Variants in SLC6A11 observed in about 807,000 individuals in gnomAD.
SLC6A11 encodes sodium- and chloride-dependent GABA transporter 3.
SLC6A11 carries 25 observed loss-of-function variants against 74.8 expected under a neutral mutation model. The ratio of observed to expected loss-of-function variants is 0.33; its 90% CI spans 0.24 to 0.47. SLC6A11 has a LOEUF of 0.47. Ranked by LOEUF, SLC6A11 falls within the 20% of genes least tolerant of loss-of-function variation. The probability of loss-of-function intolerance (pLI) is 1.00; values close to 1 mark genes in which losing one functional copy is unlikely to be tolerated. For synonymous variants in SLC6A11, 330 were observed against 330.2 expected (o/e 1.00, Z 0.01); for missense variants, 574 against 837.0 (o/e 0.69, Z 3.88).
intron 6 of SLC6A11, among the ~76,000 whole-genome samples, chr3:10,879,918 C>T (rs569540693): frequency 2.4e-4 from 36 of 152,156 alleles, no homozygotes; most frequent in Admixed American, 1.9e-3. Flanking sequence ...ACATACTCAA[C>T]CTGTACATAC....
chr3:10,914,007 A>T (rs1695422335), intron 7 of SLC6A11, among the ~76,000 whole-genome samples: 1 of 152,182 alleles, frequency 6.6e-6, no homozygotes, highest in Admixed American at 6.5e-5. Flanking sequence ...CACTCTTAAA[A>T]TATTGAGTGT....
At chr3:10,920,696 C>A (rs761637413) in intron 8 of SLC6A11, among the ~76,000 whole-genome samples, 16 of 152,212 alleles carry the variant, frequency 1.1e-4, no homozygotes, top group Non-Finnish European at 2.2e-4. Flanking sequence ...ATTCACACAG[C>A]AGTCCTAGCT....
Position 10,844,306 on chromosome 3 carries a change from G to C in SLC6A11, c.716G>C (p.Cys239Ser). 1.2e-6 allele frequency: 2 copies of C among 1,614,188 alleles called. No homozygotes were observed. The highest frequency in any genetic ancestry group is 1.7e-6 in the Non-Finnish European group (2 of 1,180,040). The change falls in exon 5 of 14, where the codon TGT (cysteine) becomes TCT (serine). Residue 239 changes from cysteine to serine, a missense_variant. Cys to Ser is a moderately radical substitution (Grantham distance 112). Transcript: ENST00000254488. The part of the protein sequence containing the change: ...ALCLLAAWTI[C>S]YFCIWKGTKS... ...TGTCTCTTGGCAGCCTGGACCATCT[G>C]TTACTTCTGTATCTGGAAGGGGACC...
chr3:10,937,049 T>C (rs1272663458), intron 13 of SLC6A11, among the ~76,000 whole-genome samples: 1 of 152,056 alleles, frequency 6.6e-6, no homozygotes, highest in Non-Finnish European at 1.5e-5. Context: ...AAGCTGCTGC[T>C]GGGGGACGGG....
At chr3:10,829,850 A>G (rs987739233) in intron 4 of SLC6A11, among the ~76,000 whole-genome samples, 2 of 152,196 alleles carry the variant, frequency 1.3e-5, no homozygotes, top group Non-Finnish European at 2.9e-5. Context: ...TTCTTTAGAG[A>G]AGGCTCATCA....
At chr3:10,823,458 C>A (rs1694163821) in intron 4 of SLC6A11, 66 bp downstream of exon 4, 4 of 1,088,328 alleles carry the variant, frequency 3.7e-6, no homozygotes, top group Non-Finnish European at 5.7e-6. Flanking sequence ...CTCAGTTGGT[C>A]TTGCCCCTAT....
chr3:10,897,056 G>A (rs1414181785), intron 6 of SLC6A11, among the ~76,000 whole-genome samples: 1 of 152,140 alleles, frequency 6.6e-6, no homozygotes, highest in African/African-American at 2.4e-5. Flanking sequence ...AGTGAAAGGG[G>A]TTTCCCCTTA....
Position 10,852,985 on chromosome 3 carries a change from G to A in SLC6A11, c.756+8639G>A, listed in dbSNP as rs117268051. On this transcript the variant is annotated intron_variant, in intron 5 of 13. Coordinates refer to ENST00000254488, the MANE Select transcript of SLC6A11 (RefSeq NM_014229.3). The stretch of plus-strand genomic sequence containing the variant: ...AGCTGGGAGTCAGGAGCCCTGCCCC[G>A]CCACTTGCCAACTGTGTGAGTTAGC... Among the ~76,000 whole-genome samples, 507 of 152,278 alleles carry A rather than the reference G, an allele frequency of 3.3e-3. 18 individuals are homozygous for A. In the East Asian group the frequency reaches 0.078, roughly 23 times the overall value.
Position 10,938,585 on chromosome 3 carries a change from G to A in SLC6A11, c.*183G>A. The A allele has an allele frequency of 1.9e-6, 1 of 515,172 alleles. No individual in the cohort carries two copies. The highest frequency in any genetic ancestry group is 4.2e-5 in the South Asian group (1 of 24,036). The allele number at this position is 515,172 out of a possible 1,614,324, so 31.9% of individuals were successfully genotyped here. On this transcript the variant is annotated 3_prime_UTR_variant, in exon 14 of 14. Transcript: ENST00000254488. ...AAGTCATATCCCCTCCCCGCCCCCA[G>A]TCATCATGGAAGTAACCACTACAAA...
At chr3:10,884,771 G>C (rs142156872) in intron 6 of SLC6A11, among the ~76,000 whole-genome samples, 43 of 152,268 alleles carry the variant, frequency 2.8e-4, no homozygotes, top group African/African-American at 9.6e-4. Context: ...CTTCTCTGTG[G>C]TAACCTTGTC....
intron 6 of SLC6A11, among the ~76,000 whole-genome samples, chr3:10,885,597 TAAAAAA>T (rs35167441): frequency 1.4e-5 from 2 of 138,508 alleles, no homozygotes; most frequent in Non-Finnish European, 3.2e-5. Flanking sequence ...GCCCCCATGA[TAAAAAA>T]AAAAAAAAAA....
chr3:10,914,021 T>C (rs1044257899), intron 7 of SLC6A11, among the ~76,000 whole-genome samples: 6 of 152,214 alleles, frequency 3.9e-5, no homozygotes, highest in Non-Finnish European at 8.8e-5. Flanking sequence ...TGAGTGTTTT[T>C]CCCAAGTCCT....
chr3:10,878,870 G>T (rs1694942887), intron 6 of SLC6A11, among the ~76,000 whole-genome samples: 1 of 152,184 alleles, frequency 6.6e-6, no homozygotes, highest in Non-Finnish European at 1.5e-5. Flanking sequence ...ATATAATTGT[G>T]TGTGATCTTT....
At chr3:10,860,237 A>G (rs532204331) in intron 5 of SLC6A11, among the ~76,000 whole-genome samples, 2 of 152,352 alleles carry the variant, frequency 1.3e-5, no homozygotes, top group African/African-American at 4.8e-5. Flanking sequence ...AAAATATTTT[A>G]TCTAACAAAA....
intron 3 of SLC6A11, among the ~76,000 whole-genome samples, chr3:10,820,323 T>A (rs1319597722): frequency 2.0e-5 from 3 of 152,188 alleles, no homozygotes; most frequent in Non-Finnish European, 2.9e-5. Flanking sequence ...AAAAAATAGA[T>A]TTGGTTGCCA....
intron 10 of SLC6A11, among the ~76,000 whole-genome samples, chr3:10,932,126 C>T (rs910848141): frequency 3.9e-5 from 6 of 152,230 alleles, no homozygotes; most frequent in East Asian, 1.9e-4. Flanking sequence ...TAGAGACCCC[C>T]GCTCTCCCTA....
chr3:10,899,074 G>A (rs55694623), intron 6 of SLC6A11, among the ~76,000 whole-genome samples: 1,668 of 152,222 alleles, frequency 0.011, 28 homozygotes, highest in African/African-American at 0.038. Context: ...AACAGTATGA[G>A]GGAAACCACC....
chr3:10,852,936 G>T (rs1027390912), intron 5 of SLC6A11, among the ~76,000 whole-genome samples: 3 of 152,192 alleles, frequency 2.0e-5, no homozygotes, highest in African/African-American at 7.2e-5. Context: ...ACAGATGGTG[G>T]CCAAGGGGAG....
chr3:10,935,399 T>G, intron 13 of SLC6A11, 200 bp downstream of exon 13: 1 of 572,762 alleles, frequency 1.7e-6, no homozygotes, highest in Non-Finnish European at 3.1e-6. Flanking sequence ...TGAGCCAGTT[T>G]CTAGGAGTCC....
Sources: allele counts gnomAD v4.1 joint callset (sites outside exome capture counted in the v4.1 genomes callset), GRCh38; gene constraint gnomAD v4.1.1; transcripts MANE v1.5; gene names NCBI Gene and HGNC (gene_info 2026-07-23, HGNC 2026-07-21).